The following HEMK2 variants were observed in gnomAD, a reference collection of about 807,000 sequenced individuals.
HEMK2 encodes the protein HemK methyltransferase 2, ETF1 glutamine and histone H4 lysine.
At chr21:28,788,506 G>A in the HEMK2 span, among the ~76,000 whole-genome samples, 13 of 151,740 alleles carry the variant, frequency 8.6e-5, no homozygotes, top group Non-Finnish European at 1.6e-4. Context: ...TGATACAAAC[G>A]GACTTTGAGG....
At chr21:28,833,909 C>A in the HEMK2 span, among the ~76,000 whole-genome samples, 1 of 152,214 alleles carries the variant, frequency 6.6e-6, no homozygotes, top group Non-Finnish European at 1.5e-5. Context: ...CTTGCACATT[C>A]CCAAGAAAGG....
At chr21:28,879,080 C>CTTTTTTTTTT in the HEMK2 span, among the ~76,000 whole-genome samples, 2 of 98,658 alleles carry the variant, frequency 2.0e-5, 1 homozygote. Context: ...TAGATTGTTT[C>CTTTTTTTTTT]TTTTTTTTTT....
chr21:28,650,299 G>C, the HEMK2 span, among the ~76,000 whole-genome samples: 5 of 152,214 alleles, frequency 3.3e-5, no homozygotes, highest in South Asian at 1.0e-3. Context: ...GGAGGCTGAG[G>C]CAGGAGAATC....
chr21:28,872,754 T>G, the HEMK2 span: 1 of 152,108 alleles, frequency 6.6e-6, no homozygotes, highest in Admixed American at 6.6e-5. Flanking sequence ...GGACAGAAGA[T>G]GAGATGTCAC....
At chr21:28,614,974 T>C in the HEMK2 span, among the ~76,000 whole-genome samples, 1 of 152,144 alleles carries the variant, frequency 6.6e-6, no homozygotes, top group Admixed American at 6.6e-5. Context: ...TCTCTGAACG[T>C]TTCTCTGGAA....
chr21:28,876,835 G>A, the HEMK2 span, among the ~76,000 whole-genome samples: 1 of 151,948 alleles, frequency 6.6e-6, no homozygotes, highest in Non-Finnish European at 1.5e-5. Flanking sequence ...TTTCTCTTTG[G>A]ATGACAAAAG....
At chr21:28,591,912 T>C in the HEMK2 span, among the ~76,000 whole-genome samples, 1 of 152,210 alleles carries the variant, frequency 6.6e-6, no homozygotes, top group African/African-American at 2.4e-5. Flanking sequence ...TAATGTTGCA[T>C]GGTGTGTATG....
chr21:28,860,486 T>A, the HEMK2 span, among the ~76,000 whole-genome samples: 2 of 148,924 alleles, frequency 1.3e-5, no homozygotes, highest in Non-Finnish European at 3.0e-5. Context: ...ATAATACATA[T>A]ATAAATATAT....
the HEMK2 span, among the ~76,000 whole-genome samples, chr21:28,667,621 T>A: frequency 6.6e-6 from 1 of 152,262 alleles, no homozygotes; most frequent in South Asian, 2.1e-4. Context: ...CTCATGTAAC[T>A]CATAAAATAT....
At chr21:28,605,756 TC>T in the HEMK2 span, among the ~76,000 whole-genome samples, 1 of 152,220 alleles carries the variant, frequency 6.6e-6, no homozygotes, top group Non-Finnish European at 1.5e-5. Flanking sequence ...TATGTGTATA[TC>T]AAGTATAGAA....
At chr21:28,718,874 GA>G in the HEMK2 span, among the ~76,000 whole-genome samples, 1 of 152,258 alleles carries the variant, frequency 6.6e-6, no homozygotes, top group East Asian at 1.9e-4. Flanking sequence ...AAGAGTAGAT[GA>G]AAGTATCAAA....
chr21:28,677,483 C>T, the HEMK2 span, among the ~76,000 whole-genome samples: 9 of 152,208 alleles, frequency 5.9e-5, no homozygotes, highest in African/African-American at 1.9e-4. Context: ...AGGGCATAGC[C>T]AAACAAAAGG....
chr21:28,788,339 G>A, the HEMK2 span, among the ~76,000 whole-genome samples: 1 of 151,178 alleles, frequency 6.6e-6, no homozygotes, highest in African/African-American at 2.4e-5. Flanking sequence ...GGAATACTAT[G>A]CAGTCATAAA....
the HEMK2 span, among the ~76,000 whole-genome samples, chr21:28,617,985 A>C: frequency 6.6e-6 from 1 of 152,002 alleles, no homozygotes; most frequent in Non-Finnish European, 1.5e-5. Context: ...ATGGAGTTTC[A>C]CTATGTTGCC....
chr21:28,592,371 G>C, the HEMK2 span, among the ~76,000 whole-genome samples: 52 of 152,186 alleles, frequency 3.4e-4, no homozygotes, highest in African/African-American at 1.1e-3. Context: ...GAGCCAAAAA[G>C]GTTCTGAATC....
the HEMK2 span, among the ~76,000 whole-genome samples, chr21:28,677,119 G>A: frequency 5.3e-5 from 8 of 152,200 alleles, no homozygotes; most frequent in South Asian, 2.1e-4. Context: ...CCCGGTAAGC[G>A]CAAGGGGTCA....
At chr21:28,775,353 C>A in the HEMK2 span, among the ~76,000 whole-genome samples, 1 of 152,098 alleles carries the variant, frequency 6.6e-6, no homozygotes, top group Non-Finnish European at 1.5e-5. Flanking sequence ...CTTGTTGAGA[C>A]TGAGATGCCT....
At chr21:28,796,437 G>A in the HEMK2 span, among the ~76,000 whole-genome samples, 1 of 152,156 alleles carries the variant, frequency 6.6e-6, no homozygotes. Flanking sequence ...ACGACACCCA[G>A]CCAAATAAAT....
At chr21:28,823,668 T>TA in the HEMK2 span, among the ~76,000 whole-genome samples, 9 of 152,176 alleles carry the variant, frequency 5.9e-5, 1 homozygote, top group South Asian at 1.9e-3. Context: ...ACCTTGTCTG[T>TA]ATCAGACTTA....
Sources: gnomAD v4.1 joint callset for allele counts (sites outside exome capture counted in the v4.1 genomes callset) on GRCh38, gnomAD v4.1.1 for gene constraint, MANE v1.5 for transcripts, NCBI Gene and HGNC (gene_info 2026-07-23, HGNC 2026-07-21) for gene names.